LOXHD1: variants seen among roughly 807,000 people sequenced by gnomAD.
LOXHD1 encodes lipoxygenase homology domain-containing protein 1.
Under a neutral mutation model 248.2 loss-of-function variants are expected in LOXHD1, and 205 were observed. The observed-to-expected ratio is 0.83, with a 90% CI of 0.74 to 0.93. The LOEUF (loss-of-function observed/expected upper bound fraction) is 0.93, where lower values mean the gene tolerates loss of function less well. LOXHD1 is among the 40% of genes least tolerant of loss of function. The pLI, the probability that LOXHD1 is intolerant of heterozygous loss-of-function variation, is 0.00. For missense variants in LOXHD1, 2,930 were observed against 2,971.6 expected (o/e 0.99, Z 0.33); for synonymous variants, 1,113 against 1,162.8 (o/e 0.96, Z 0.87).
At chr18:46,632,873 T>G (rs187536539) in intron 4 of LOXHD1, among the ~76,000 whole-genome samples, 2 of 152,242 alleles carry the variant, frequency 1.3e-5, no homozygotes, top group Admixed American at 1.3e-4. Context: ...CTTATTCACG[T>G]GTGATGTCTG....
intron 1 of LOXHD1, among the ~76,000 whole-genome samples, chr18:46,652,790 T>C (rs775717832): frequency 1.4e-4 from 21 of 152,232 alleles, no homozygotes; most frequent in Non-Finnish European, 2.8e-4. Context: ...CAGATGTTCA[T>C]TGACAATGGA....
rs139787315 is a variant in LOXHD1, at chr18:46,506,967, C to T, written c.5692+571G>A. On this transcript the variant is annotated intron_variant, in intron 36 of 40. Coordinates refer to ENST00000642948, the MANE Select transcript of LOXHD1 (RefSeq NM_001384474.1). ...CTCTCAGCTCCTGGCCTTTAACATG[C>T]TAATACTTTTGATTAGAAGATCCTT... 4.0e-3 allele frequency among the ~76,000 whole-genome samples: 609 copies of T among 152,286 alleles called. 5 individuals carry two copies. Among genetic ancestry groups the T allele is most frequent in the Non-Finnish European group, 4.4e-3 (299 of 68,028 alleles).
At chr18:46,518,099 G>T (rs778793587) in intron 34 of LOXHD1, 30 bp downstream of exon 34, 1 of 1,550,324 alleles carries the variant, frequency 6.5e-7, no homozygotes, top group Non-Finnish European at 8.7e-7. Context: ...AATGTGGGAG[G>T]GGTGAGGGGC....
rs1261507262 is a variant in LOXHD1, at chr18:46,533,755, C to T, written c.4213-431G>A. The T allele has an allele frequency of 7.7e-5, 24 of 312,984 alleles. No homozygotes were observed. The Admixed American group carries it at 9.9e-4, about 13-fold the overall frequency. The allele number at this position is 312,984 out of a possible 1,614,324, so 19.4% of individuals were successfully genotyped here. ...CTTGGCCAACATGGTGAAACCCCAT[C>T]TCTACTAACAAAATATAAAAATTAG... On this transcript the variant is annotated intron_variant, in intron 27 of 40. Transcript: ENST00000642948.
At chr18:46,642,455 C>T (rs1427152733) in intron 2 of LOXHD1, among the ~76,000 whole-genome samples, 1 of 152,236 alleles carries the variant, frequency 6.6e-6, no homozygotes, top group Non-Finnish European at 1.5e-5. Flanking sequence ...TTGCCACTCC[C>T]CATCACTGGC....
At chr18:46,524,098 A>G (rs1328844997) in intron 31 of LOXHD1, among the ~76,000 whole-genome samples, 1 of 152,208 alleles carries the variant, frequency 6.6e-6, no homozygotes, top group Non-Finnish European at 1.5e-5. Flanking sequence ...AGAATCAGAA[A>G]TGGAACTTCA....
intron 34 of LOXHD1, among the ~76,000 whole-genome samples, chr18:46,513,498 G>A (rs1004780676): frequency 3.3e-5 from 5 of 152,060 alleles, no homozygotes; most frequent in African/African-American, 1.2e-4. Flanking sequence ...TTATAAGAAG[G>A]CAGAAAGAGA....
chr18:46,529,228 C>T lies in LOXHD1; in HGVS notation c.4479G>A (p.Glu1493=). 4 of 1,551,638 alleles carry T rather than the reference C, an allele frequency of 2.6e-6. No homozygotes were observed. Among genetic ancestry groups the T allele is most frequent in the Non-Finnish European group, 3.5e-6 (4 of 1,146,976 alleles). The change falls in exon 29 of 41, where the codon GAG becomes GAA. Residue 1493 remains glutamate, a synonymous_variant. Transcript: ENST00000642948. ...GGTTCTCTGACTTGCCAAGGTATCG[C>T]TCCCCAGTGTCCCCGAGGTCTCCAT... ...TIYGDLGDTG[E]RYLGKSENRT...
In LOXHD1 at chr18:46,657,154, G is replaced by C. The variant is rs567314184; in HGVS notation, c.-121C>G. The C allele has an allele frequency of 1.3e-6, 2 of 1,490,858 alleles. No homozygotes were observed. The highest frequency in any genetic ancestry group is 2.8e-5 in the African/African-American group (2 of 71,748). 92.4% of individuals were successfully genotyped at this position (1,490,858 alleles called of 1,614,324 possible). On this transcript the variant is annotated 5_prime_UTR_variant, in exon 1 of 41. Coordinates refer to ENST00000642948, the MANE Select transcript of LOXHD1 (RefSeq NM_001384474.1). ...ACGGCCCTCCTATAGCTCAGGCCTG[G>C]GTGGGCCAGAGTGCCCCGTTTTCTT...
intron 36 of LOXHD1, 36 bp from the exon 37 acceptor site, chr18:46,506,059 C>G (rs1232039422): frequency 6.5e-7 from 1 of 1,547,734 alleles, no homozygotes; most frequent in East Asian, 2.4e-5. Context: ...AGGGTGCCAG[C>G]CTCTTTGACA....
chr18:46,546,808 G>A, intron 22 of LOXHD1, 87 bp downstream of exon 22: 1 of 1,420,894 alleles, frequency 7.0e-7, no homozygotes, highest in Non-Finnish European at 9.5e-7. Context: ...GAGCCCACAG[G>A]GGAGGGAAGG....
Position 46,477,738 on chromosome 18 carries a change from C to T in LOXHD1, c.6556G>A (p.Gly2186Ser). 1.3e-6 allele frequency: 2 copies of T among 1,551,950 alleles called. No individual in the cohort carries two copies. Among genetic ancestry groups the T allele is most frequent in the Non-Finnish European group, 1.7e-6 (2 of 1,147,050 alleles). The change falls in exon 41 of 41, where the codon GGC becomes AGC. Residue 2186 changes from glycine to serine, a missense_variant. By Grantham distance (56) the Gly-to-Ser change is moderately conservative. Coordinates refer to ENST00000642948, the MANE Select transcript of LOXHD1 (RefSeq NM_001384474.1). ...VTIFGANGDTGKRELKQKMRN... is the reference protein window; with the variant it reads ...VTIFGANGDTSKRELKQKMRN... ...ATTTTCTGCTTCAGCTCCCGCTTGC[C>T]TGTGTCTCCGTTGGCCCCAAAGATG...
chr18:46,525,020 T>A, intron 29 of LOXHD1, 103 bp from the exon 30 acceptor site: 2 of 1,305,756 alleles, frequency 1.5e-6, no homozygotes, highest in Non-Finnish European at 2.1e-6. Flanking sequence ...GTTGCTGCAC[T>A]GAACAGACCT....
intron 34 of LOXHD1, among the ~76,000 whole-genome samples, chr18:46,511,696 G>T (rs1315551741): frequency 6.6e-6 from 1 of 152,192 alleles, no homozygotes; most frequent in African/African-American, 2.4e-5. Flanking sequence ...GACCCTGGGA[G>T]AGGGCTGGCC....
At chr18:46,565,567 T>C (rs189533669) in intron 17 of LOXHD1, among the ~76,000 whole-genome samples, 2 of 152,320 alleles carry the variant, frequency 1.3e-5, no homozygotes, top group Non-Finnish European at 2.9e-5. Context: ...TTCCTCAGTA[T>C]CTGCAGGGAC....
chr18:46,501,289 AG>A (rs1226560416), intron 37 of LOXHD1, among the ~76,000 whole-genome samples: 4 of 152,242 alleles, frequency 2.6e-5, no homozygotes, highest in African/African-American at 9.6e-5. Flanking sequence ...AGGCTGAACA[AG>A]GCAACACTGC....
intron 14 of LOXHD1, among the ~76,000 whole-genome samples, chr18:46,574,419 A>ACACACACACACACACACACACACACC (rs1357990413): frequency 6.7e-6 from 1 of 148,924 alleles, no homozygotes; most frequent in South Asian, 2.1e-4. Context: ...ACACACACAC[A>ACACACACACACACACACACACACACC]CCTGATCCTA....
chr18:46,649,040 A>G (rs1215486875), intron 2 of LOXHD1, 115 bp downstream of exon 2: 1 of 831,690 alleles, frequency 1.2e-6, no homozygotes, highest in Non-Finnish European at 2.0e-6. Context: ...ATACCACTTA[A>G]TAACCTGTGG....
intron 4 of LOXHD1, among the ~76,000 whole-genome samples, chr18:46,635,575 G>A (rs1459979702): frequency 6.6e-6 from 1 of 152,240 alleles, no homozygotes; most frequent in African/African-American, 2.4e-5. Context: ...CTCAGATCAA[G>A]GCTGGTATTG....
Sources: gnomAD v4.1 joint callset for allele counts (sites outside exome capture counted in the v4.1 genomes callset) on GRCh38, gnomAD v4.1.1 for gene constraint, MANE v1.5 for transcripts, NCBI Gene and HGNC (gene_info 2026-07-23, HGNC 2026-07-21) for gene names.